NR2F1-AS1: variants seen among roughly 807,000 people sequenced by gnomAD.
NR2F1-AS1 encodes the protein NR2F1 antisense RNA 1.
intron 1 of NR2F1-AS1, among the ~76,000 whole-genome samples, chr5:93,563,871 G>A (rs1752551032): frequency 6.6e-6 from 1 of 151,974 alleles, no homozygotes; most frequent in Non-Finnish European, 1.5e-5. Flanking sequence ...GGGAAGCTGA[G>A]GTGGGCGGAT....
chr5:93,550,625 C>CT (rs1209553746), intron 4 of NR2F1-AS1, among the ~76,000 whole-genome samples: 2 of 152,144 alleles, frequency 1.3e-5, no homozygotes, highest in African/African-American at 4.8e-5. Context: ...ATTCTAAAGA[C>CT]TTTTTTTAAT....
chr5:93,504,242 T>C (rs1019802516), intron 4 of NR2F1-AS1, among the ~76,000 whole-genome samples: 6 of 152,194 alleles, frequency 3.9e-5, no homozygotes, highest in Non-Finnish European at 7.3e-5. Flanking sequence ...TTTATACTCT[T>C]GAAGTCATTT....
intron 4 of NR2F1-AS1, among the ~76,000 whole-genome samples, chr5:93,510,455 C>A (rs571675539): frequency 8.5e-5 from 13 of 152,166 alleles, no homozygotes; most frequent in African/African-American, 3.1e-4. Context: ...ATAGAAAAGA[C>A]AGAAAAAGAA....
intron 4 of NR2F1-AS1, among the ~76,000 whole-genome samples, chr5:93,535,827 A>C (rs1425758140): frequency 6.6e-6 from 1 of 152,186 alleles, no homozygotes; most frequent in Non-Finnish European, 1.5e-5. Flanking sequence ...TATACAAGAC[A>C]CTTAAACACA....
intron 4 of NR2F1-AS1, chr5:93,544,901 A>G (rs1752042107): frequency 6.8e-6 from 1 of 147,280 alleles, no homozygotes; most frequent in East Asian, 2.0e-4. Flanking sequence ...GCCTGGTGAC[A>G]TAGCGAGATT....
At chr5:93,473,484 T>C (rs1750413695) in intron 4 of NR2F1-AS1, among the ~76,000 whole-genome samples, 2 of 151,834 alleles carry the variant, frequency 1.3e-5, no homozygotes, top group African/African-American at 4.8e-5. Flanking sequence ...AAGTATATAA[T>C]TAGTTACATT....
intron 4 of NR2F1-AS1, among the ~76,000 whole-genome samples, chr5:93,531,320 T>C (rs1467435181): frequency 1.3e-5 from 2 of 152,148 alleles, no homozygotes; most frequent in East Asian, 3.8e-4. Flanking sequence ...AAAAATTGTA[T>C]TTGACTGTTC....
At chr5:93,447,005 G>A (rs1179374058) in intron 4 of NR2F1-AS1, among the ~76,000 whole-genome samples, 6 of 152,122 alleles carry the variant, frequency 3.9e-5, no homozygotes, top group Admixed American at 3.9e-4. Context: ...GCCATATGTA[G>A]AAAGCTGAAA....
intron 4 of NR2F1-AS1, among the ~76,000 whole-genome samples, chr5:93,551,067 A>G (rs1752216117): frequency 6.6e-6 from 1 of 152,054 alleles, no homozygotes; most frequent in South Asian, 2.1e-4. Context: ...ATTTACTTAG[A>G]AGTTTTTGAC....
At chr5:93,515,890 T>C (rs1751391969) in intron 4 of NR2F1-AS1, among the ~76,000 whole-genome samples, 1 of 151,838 alleles carries the variant, frequency 6.6e-6, no homozygotes, top group Non-Finnish European at 1.5e-5. Flanking sequence ...ACAGAGTACA[T>C]CCCTTATCAA....
intron 4 of NR2F1-AS1, among the ~76,000 whole-genome samples, chr5:93,467,253 G>A (rs968841641): frequency 2.6e-5 from 4 of 152,064 alleles, no homozygotes; most frequent in Non-Finnish European, 4.4e-5. Flanking sequence ...AACTACCATT[G>A]ACATTCTTCA....
Position 93,420,002 on chromosome 5 carries a change from G to C in NR2F1-AS1, n.639-24460C>G, listed in dbSNP as rs370753041. Among the ~76,000 whole-genome samples the C allele has an allele frequency of 2.2e-4, 34 of 152,230 alleles. No homozygotes were observed. In the East Asian group the frequency reaches 5.4e-3, roughly 24 times the overall value. Reference sequence around the variant, plus strand: ...ACTTGAGGTCATGAGTTCAAGACAAGCCTGACCAACAGGTGAAATCCTGTC... The same window carrying C: ...ACTTGAGGTCATGAGTTCAAGACAACCCTGACCAACAGGTGAAATCCTGTC... On this transcript the variant is annotated intron_variant and non_coding_transcript_variant, in intron 4 of 5. Transcript: ENST00000660523.
upstream of NR2F1-AS1, chr5:93,584,593 A>G (rs984591169): frequency 7.0e-6 from 1 of 143,384 alleles, no homozygotes; most frequent in Non-Finnish European, 1.5e-5. Context: ...AAGAAGAAAA[A>G]AGCGAGAGAA....
At chr5:93,479,466 T>C (rs1487063164) in intron 4 of NR2F1-AS1, among the ~76,000 whole-genome samples, 2 of 152,218 alleles carry the variant, frequency 1.3e-5, no homozygotes, top group African/African-American at 4.8e-5. Context: ...ACAAGGAATA[T>C]AGTTTTTTCA....
At chr5:93,524,849 T>C (rs1287148212) in intron 4 of NR2F1-AS1, among the ~76,000 whole-genome samples, 1 of 152,106 alleles carries the variant, frequency 6.6e-6, no homozygotes, top group Non-Finnish European at 1.5e-5. Context: ...CAAGAGCTCC[T>C]GAAGGAAGCA....
In NR2F1-AS1 at chr5:93,526,223, T is replaced by C. The variant is rs188812711; in HGVS notation, n.638+27538A>G. Among the ~76,000 whole-genome samples, 106 of 152,180 alleles carry C rather than the reference T, an allele frequency of 7.0e-4. 1 individual carries two copies. The highest frequency in any genetic ancestry group is 1.2e-3 in the Non-Finnish European group (82 of 67,970). On this transcript the variant is annotated intron_variant and non_coding_transcript_variant, in intron 4 of 5. Coordinates refer to ENST00000660523, the Ensembl canonical transcript of NR2F1-AS1. ...CAGACTACCATCAGAATGCTATAAA[T>C]ACCTCTATGCAAGTAACTAGAAAAT...
intron 4 of NR2F1-AS1, among the ~76,000 whole-genome samples, chr5:93,491,652 A>T (rs1750852297): frequency 6.6e-6 from 1 of 152,106 alleles, no homozygotes. Context: ...TCTACTAAAG[A>T]CGCAAATTGA....
chr5:93,480,705 T>C (rs1295781387), intron 4 of NR2F1-AS1, among the ~76,000 whole-genome samples: 1 of 152,090 alleles, frequency 6.6e-6, no homozygotes. Flanking sequence ...AATGGGCACA[T>C]AATGCATAAA....
chr5:93,552,703 A>C (rs1204494957), intron 4 of NR2F1-AS1, among the ~76,000 whole-genome samples: 1 of 152,112 alleles, frequency 6.6e-6, no homozygotes, highest in Non-Finnish European at 1.5e-5. Context: ...GAGCAAAGCA[A>C]GACTGTAAAG....
Sources: gnomAD v4.1 joint callset for allele counts (sites outside exome capture counted in the v4.1 genomes callset) on GRCh38, gnomAD v4.1.1 for gene constraint, MANE v1.5 for transcripts, NCBI Gene and HGNC (gene_info 2026-07-23, HGNC 2026-07-21) for gene names.